Variants in SNX29 observed in about 807,000 individuals in gnomAD.
The protein encoded by SNX29 is sorting nexin 29, also known as sorting nexin-29.
SNX29 carries 78 observed loss-of-function variants against 102.1 expected under a neutral mutation model. The ratio of observed to expected loss-of-function variants is 0.76; its 90% CI spans 0.64 to 0.92. The LOEUF (loss-of-function observed/expected upper bound fraction) is 0.92. SNX29 is among the 40% of genes least tolerant of loss of function. SNX29 has a pLI of 0.00. For synonymous variants in SNX29, 580 were observed against 414.5 expected (o/e 1.40, Z -4.85); for missense variants, 1,280 against 1,061.7 (o/e 1.21, Z -2.86).
At chr16:12,445,037 G>GA (rs2085986592) in intron 18 of SNX29, among the ~76,000 whole-genome samples, 1 of 151,974 alleles carries the variant, frequency 6.6e-6, no homozygotes, top group African/African-American at 2.4e-5. Context: ...TTTTAGTAGA[G>GA]ATGGGGTTTC....
intron 1 of SNX29, among the ~76,000 whole-genome samples, chr16:11,998,225 A>G (rs987111372): frequency 6.6e-6 from 1 of 152,102 alleles, no homozygotes. Context: ...TAGAAACTGA[A>G]TTTCAGTATC....
At chr16:12,456,012 G>C (rs2086523757) in intron 18 of SNX29, among the ~76,000 whole-genome samples, 1 of 152,114 alleles carries the variant, frequency 6.6e-6, no homozygotes. Context: ...GACTTGTAAA[G>C]GTACAATTGC....
At chr16:12,449,387 A>G (rs2086203051) in intron 18 of SNX29, among the ~76,000 whole-genome samples, 1 of 152,012 alleles carries the variant, frequency 6.6e-6, no homozygotes, top group Non-Finnish European at 1.5e-5. Context: ...GACAGGGATC[A>G]TGGCATATGT....
intron 20 of SNX29, among the ~76,000 whole-genome samples, chr16:12,532,123 T>A (rs559937942): frequency 6.6e-6 from 1 of 152,316 alleles, no homozygotes; most frequent in South Asian, 2.1e-4. Context: ...TTAGTCAGGA[T>A]TGCCTTGCAC....
chr16:12,298,119 G>C (rs2080042509), intron 15 of SNX29, among the ~76,000 whole-genome samples: 1 of 152,222 alleles, frequency 6.6e-6, no homozygotes, highest in African/African-American at 2.4e-5. Context: ...GCAGTGAGCT[G>C]TGATTGTGCC....
At chr16:12,493,499 C>T (rs908445524) in intron 19 of SNX29, among the ~76,000 whole-genome samples, 18 of 152,218 alleles carry the variant, frequency 1.2e-4, no homozygotes, top group Non-Finnish European at 5.9e-5. Flanking sequence ...AATTTGACTT[C>T]TTCTTTTCCT....
intron 15 of SNX29, chr16:12,297,255 C>T (rs1053788319): frequency 6.6e-6 from 1 of 152,300 alleles, no homozygotes; most frequent in South Asian, 2.1e-4. Flanking sequence ...GAGCTGAGGC[C>T]CTGGAGGCTC....
intron 18 of SNX29, among the ~76,000 whole-genome samples, chr16:12,436,652 T>G (rs1227410155): frequency 6.6e-6 from 1 of 152,226 alleles, no homozygotes; most frequent in Non-Finnish European, 1.5e-5. Context: ...TTAGGCACTT[T>G]CTGACCGGGG....
At chr16:12,111,584 G>A (rs2053503527) in intron 11 of SNX29, among the ~76,000 whole-genome samples, 1 of 152,212 alleles carries the variant, frequency 6.6e-6, no homozygotes, top group Admixed American at 6.5e-5. Context: ...GCAAGTGCCT[G>A]CTTCCAGCCT....
chr16:12,369,193 T>A (rs571098058), intron 16 of SNX29, among the ~76,000 whole-genome samples: 26 of 152,072 alleles, frequency 1.7e-4, no homozygotes, highest in African/African-American at 6.0e-4. Context: ...TGGAGTGCAG[T>A]GGCTCGATCT....
intron 15 of SNX29, among the ~76,000 whole-genome samples, chr16:12,354,777 G>A (rs945426334): frequency 6.6e-6 from 1 of 152,120 alleles, no homozygotes; most frequent in Non-Finnish European, 1.5e-5. Flanking sequence ...AAAGACGATC[G>A]ACTCAACCTT....
intron 18 of SNX29, among the ~76,000 whole-genome samples, chr16:12,429,921 C>T (rs1297314196): frequency 2.6e-5 from 4 of 152,206 alleles, no homozygotes; most frequent in East Asian, 1.9e-4. Context: ...CCACAGGCAG[C>T]TTACTGAACT....
chr16:12,116,630 C>T (rs914088264), intron 11 of SNX29, among the ~76,000 whole-genome samples: 5 of 152,180 alleles, frequency 3.3e-5, no homozygotes, highest in South Asian at 2.1e-4. Context: ...GCCAGGATCA[C>T]GCCACCATAC....
In SNX29 at chr16:12,551,097, G is replaced by C. The variant is rs151182028; in HGVS notation, c.2319-17409G>C. ...CTCCATGTGATCCTCTCTTTGCTTG[G>C]ATGAAATCTGGTGTGAAATAATGGA... On this transcript the variant is annotated intron_variant, in intron 20 of 20. Coordinates refer to ENST00000566228, the MANE Select transcript of SNX29 (RefSeq NM_032167.5). 6.7e-3 allele frequency among the ~76,000 whole-genome samples: 1,023 copies of C among 152,172 alleles called. 13 individuals are homozygous for C. Among genetic ancestry groups the C allele is most frequent in the African/African-American group, 0.023 (972 of 41,510 alleles).
intron 16 of SNX29, among the ~76,000 whole-genome samples, chr16:12,377,797 G>A (rs895668956): frequency 6.6e-6 from 1 of 152,174 alleles, no homozygotes; most frequent in Non-Finnish European, 1.5e-5. Context: ...AGTTTCCTGA[G>A]TTGTAGGTAC....
chr16:12,524,599 T>C, intron 19 of SNX29, 103 bp from the exon 20 acceptor site: 1 of 1,371,316 alleles, frequency 7.3e-7, no homozygotes, highest in South Asian at 1.5e-5. Context: ...CAATCAGTGT[T>C]GGTTGCCTGG....
Position 11,976,748 on chromosome 16 carries a change from A to C in SNX29, c.-59A>C, listed in dbSNP as rs1189982872. 1.6e-6 allele frequency: 2 copies of C among 1,228,194 alleles called. No individual in the cohort carries two copies. Among genetic ancestry groups the C allele is most frequent in the East Asian group, 3.2e-5 (1 of 31,050 alleles). 76.1% of individuals were successfully genotyped at this position (1,228,194 alleles called of 1,614,324 possible). On this transcript the variant is annotated 5_prime_UTR_variant, in exon 1 of 21. Transcript: ENST00000566228. ...TCTCCCGGCCTGTCTGGAGCTCGGC[A>C]GCCGCAGAAGCGGCAGCGGCGGCGG...
At chr16:12,543,083 C>T (rs146510694) in intron 20 of SNX29, among the ~76,000 whole-genome samples, 2 of 152,334 alleles carry the variant, frequency 1.3e-5, no homozygotes, top group African/African-American at 2.4e-5. Flanking sequence ...CAAGCATGTT[C>T]TGTCTGGTGG....
chr16:12,563,317 A>G (rs1180449962), intron 20 of SNX29, among the ~76,000 whole-genome samples: 2 of 149,088 alleles, frequency 1.3e-5, no homozygotes, highest in South Asian at 2.1e-4. Flanking sequence ...TTGTGACTGG[A>G]GAGAGTCACC....
Sources: allele counts gnomAD v4.1 joint callset (sites outside exome capture counted in the v4.1 genomes callset), GRCh38; gene constraint gnomAD v4.1.1; transcripts MANE v1.5; gene names NCBI Gene and HGNC (gene_info 2026-07-23, HGNC 2026-07-21).